Variants in VPS53 observed in about 807,000 individuals in gnomAD.
VPS53 encodes vacuolar protein sorting-associated protein 53 homolog.
Under a neutral mutation model 107.0 loss-of-function variants are expected in VPS53, and 70 were observed. That is an observed-to-expected ratio of 0.65 (90% confidence interval 0.54 to 0.80). The LOEUF (loss-of-function observed/expected upper bound fraction) is 0.80, where lower values mean the gene tolerates loss of function less well. VPS53 is among the 30% of genes least tolerant of loss of function. The probability of loss-of-function intolerance (pLI) is 0.00; values close to 1 mark genes in which losing one functional copy is unlikely to be tolerated. For missense variants in VPS53, 917 were observed against 1,049.4 expected, an observed-to-expected ratio of 0.87 and a Z score of 1.74; for synonymous variants, 409 against 393.3, an observed-to-expected ratio of 1.04 and a Z score of -0.47.
At chr17:567,893 G>A (rs919145957) in intron 13 of VPS53, among the ~76,000 whole-genome samples, 1 of 150,546 alleles carries the variant, frequency 6.6e-6, no homozygotes, top group Admixed American at 6.6e-5. Context: ...TGTCGAAGGG[G>A]AGGGGAGGGG....
rs1908518627 is a variant in VPS53 at position 519,063 on chromosome 17, T to C, written c.*65A>G. On this transcript the variant is annotated 3_prime_UTR_variant, in exon 22 of 22. Coordinates refer to ENST00000437048, the MANE Select transcript of VPS53 (RefSeq NM_001128159.3). The surrounding 1 kb of genome is among the most constrained non-coding windows in gnomAD (Gnocchi z 5.0). The stretch of plus-strand genomic sequence containing the variant: ...AGAGTGCCGGGGAGCACAGGAGAGG[T>C]TGGGGGCTTCTGGGGAACGGGCGCT... 28 of 1,433,862 alleles carry C rather than the reference T, an allele frequency of 2.0e-5. No individual in the cohort carries two copies. Among genetic ancestry groups the C allele is most frequent in the Middle Eastern group, 1.9e-4 (1 of 5,368 alleles). The allele number at this position is 1,433,862 out of a possible 1,614,324, so 88.8% of individuals were successfully genotyped here. A position where few individuals can be genotyped will look rare whatever the true frequency, so the allele number is the denominator to read the frequency against.
chr17:645,659 C>T (rs569953219), intron 7 of VPS53, among the ~76,000 whole-genome samples: 1 of 152,220 alleles, frequency 6.6e-6, no homozygotes, highest in Non-Finnish European at 1.5e-5. Flanking sequence ...GGTTACAGAT[C>T]CATTTTGAGT....
At chr17:642,455 T>G (rs1479935819) in intron 7 of VPS53, among the ~76,000 whole-genome samples, 1 of 91,082 alleles carries the variant, frequency 1.1e-5, no homozygotes, top group South Asian at 3.6e-4. Flanking sequence ...ACTTGGCAAC[T>G]GAGGACAACA....
intron 17 of VPS53, among the ~76,000 whole-genome samples, chr17:547,073 C>T (rs577845749): frequency 3.7e-4 from 57 of 152,114 alleles, no homozygotes; most frequent in African/African-American, 1.2e-3. Context: ...GACAGGGTTT[C>T]GCCATGTTGG....
intron 17 of VPS53, among the ~76,000 whole-genome samples, chr17:549,447 C>T (rs762233216): frequency 9.9e-5 from 15 of 151,772 alleles, no homozygotes; most frequent in Non-Finnish European, 1.3e-4. Context: ...GGTCTCTGTT[C>T]GTATTTGCTG....
At chr17:597,463 G>A (rs1404306797) in intron 12 of VPS53, among the ~76,000 whole-genome samples, 1 of 152,196 alleles carries the variant, frequency 6.6e-6, no homozygotes, top group African/African-American at 2.4e-5. Context: ...CGTGGGTGGA[G>A]GCATTAGTCA....
intron 7 of VPS53, among the ~76,000 whole-genome samples, chr17:642,353 AGGACAACACTC>A (rs1257623571): frequency 7.9e-5 from 12 of 151,820 alleles, no homozygotes; most frequent in African/African-American, 2.9e-4. Context: ...TTGGAAAGCG[AGGACAACACTC>A]ATACTTGGAA....
chr17:659,531 T>C (rs964530446), intron 5 of VPS53, among the ~76,000 whole-genome samples: 2 of 152,170 alleles, frequency 1.3e-5, no homozygotes, highest in Admixed American at 1.3e-4. Context: ...TCCCCCCTCC[T>C]TGGCCTCCCA....
chr17:562,812 T>C (rs1394224953), intron 13 of VPS53, 67 bp from the exon 14 acceptor site: 2 of 1,547,360 alleles, frequency 1.3e-6, no homozygotes, highest in East Asian at 2.3e-5. Context: ...ATGTGCTCGT[T>C]TGCAATGTAC....
At position 714,358 on chromosome 17, in the gene VPS53, G is replaced by A. The variant is rs909324108; in HGVS notation, c.87+265C>T. 2.2e-5 allele frequency: 11 copies of A among 507,284 alleles called. No individual in the cohort carries two copies. The African/African-American group carries it at 2.2e-4, about 10-fold the overall frequency. The allele number at this position is 507,284 out of a possible 1,614,324, so 31.4% of individuals were successfully genotyped here. A position where few individuals can be genotyped will look rare whatever the true frequency, so the allele number is the denominator to read the frequency against. ...CCAAGGCCTGCATTCTCCTAGCGTCGTCCTCTCTAAGCGCACAATTCCTTT... is the reference window on the plus strand; with the variant it reads ...CCAAGGCCTGCATTCTCCTAGCGTCATCCTCTCTAAGCGCACAATTCCTTT... On this transcript the variant is annotated intron_variant, in intron 1 of 21. Coordinates refer to ENST00000437048, the MANE Select transcript of VPS53 (RefSeq NM_001128159.3).
intron 13 of VPS53, among the ~76,000 whole-genome samples, chr17:571,173 G>A (rs1310826982): frequency 7.1e-6 from 1 of 141,784 alleles, no homozygotes. Context: ...TTAGACTGAT[G>A]TGATGGCCTG....
Position 655,956 on chromosome 17 carries a change from A to C in VPS53, c.373-3T>G, listed in dbSNP as rs1971171686. On this transcript the variant is annotated splice_region_variant and splice_polypyrimidine_tract_variant and intron_variant, in intron 5 of 21. Coordinates refer to ENST00000437048, the MANE Select transcript of VPS53 (RefSeq NM_001128159.3). ...ATATCACGGGTGATTTCTTTCACCT[A>C]AACATTGAAAAACCACAAGAAAGAA... The C allele has an allele frequency of 6.2e-7, 1 of 1,609,926 alleles. No individual in the cohort carries two copies. The highest frequency in any genetic ancestry group is 8.5e-7 in the Non-Finnish European group (1 of 1,177,334).
At chr17:692,719 C>A (rs1341881834) in intron 4 of VPS53, among the ~76,000 whole-genome samples, 1 of 152,194 alleles carries the variant, frequency 6.6e-6, no homozygotes, top group Non-Finnish European at 1.5e-5. Context: ...AGAAGCACAC[C>A]TAGCCGGGTG....
At chr17:636,326 T>C (rs1970196784) in intron 7 of VPS53, among the ~76,000 whole-genome samples, 1 of 152,212 alleles carries the variant, frequency 6.6e-6, no homozygotes, top group Admixed American at 6.5e-5. Flanking sequence ...GCTGAAACGA[T>C]GGGGTTTTCT....
chr17:557,912 T>C (rs1402062952), intron 15 of VPS53, among the ~76,000 whole-genome samples: 1 of 148,900 alleles, frequency 6.7e-6, no homozygotes, highest in African/African-American at 2.5e-5. Context: ...CAGGCTGGAG[T>C]GCAGTGGTGT....
chr17:682,930 C>T (rs2143801006), intron 4 of VPS53, among the ~76,000 whole-genome samples: 1 of 151,828 alleles, frequency 6.6e-6, no homozygotes, highest in South Asian at 2.1e-4. Flanking sequence ...GGTGTTTTAC[C>T]TGCACGAACA....
intron 12 of VPS53, among the ~76,000 whole-genome samples, chr17:594,172 G>C (rs536219991): frequency 6.7e-6 from 1 of 148,854 alleles, no homozygotes; most frequent in African/African-American, 2.6e-5. Flanking sequence ...GGTGGGAGGA[G>C]GGGGGAGGGA....
rs1597399577 is a variant in VPS53, at chr17:627,334, C to T, written c.832-18G>A. 1 of 1,609,306 alleles carries T rather than the reference C, an allele frequency of 6.2e-7. No homozygotes were observed. Among genetic ancestry groups the T allele is most frequent in the East Asian group, 2.2e-5 (1 of 44,820 alleles). ...CAGGCAACCTGGTGAAGGTGGAGAT[C>T]AAAAGCCACCCCAGTGGTTAGAAGT... On this transcript the variant is annotated intron_variant, in intron 9 of 21. Coordinates refer to ENST00000437048, the MANE Select transcript of VPS53 (RefSeq NM_001128159.3).
At chr17:664,900 C>T (rs766219843) in intron 4 of VPS53, among the ~76,000 whole-genome samples, 3 of 152,090 alleles carry the variant, frequency 2.0e-5, no homozygotes, top group Non-Finnish European at 4.4e-5. Flanking sequence ...AAAGCCAAGG[C>T]CAGGGTTCAC....
Sources: allele counts gnomAD v4.1 joint callset (sites outside exome capture counted in the v4.1 genomes callset), GRCh38; gene constraint gnomAD v4.1.1; non-coding constraint Gnocchi (gnomAD v3.1); transcripts MANE v1.5; gene names NCBI Gene and HGNC (gene_info 2026-07-23, HGNC 2026-07-21).